The following PALM3 variants were observed in gnomAD, a reference collection of about 807,000 sequenced individuals.
PALM3 encodes paralemmin-3.
In PALM3, 20 loss-of-function variants were observed where a neutral mutation model predicts 27.9. The observed-to-expected ratio is 0.72, with a 90% CI of 0.50 to 1.04. The LOEUF (loss-of-function observed/expected upper bound fraction) is 1.04. Among genes scored for constraint, PALM3 ranks in the 50% least tolerant of loss-of-function variants. PALM3 has a pLI of 0.00. For missense variants in PALM3, 814 were observed against 869.4 expected (o/e 0.94, Z 0.80); for synonymous variants, 328 against 352.7 (o/e 0.93, Z 0.79).
intron 1 of PALM3, among the ~76,000 whole-genome samples, chr19:14,060,964 C>T (rs576509956): frequency 1.5e-4 from 23 of 152,260 alleles, no homozygotes; most frequent in Admixed American, 5.2e-4. Context: ...TTTCACCATA[C>T]TGGCCAGGCT....
chr19:14,053,930 G>T lies in PALM3; in HGVS notation c.1742C>A (p.Thr581Lys). Residue 581 changes from threonine (T) to lysine (K), a missense_variant, in exon 7 of 7, where the codon ACG (threonine) becomes AAG (lysine). Transcript: ENST00000669674. ...TCCTTCCTTCTCTGGCCTTGTCTCC[G>T]TGTTAGCCTCAAGGGGAGGCCCTGC... ...NEAGPPLEAN[T>K]ETRPEKEGPQ... The T allele has an allele frequency of 1.3e-6, 2 of 1,551,604 alleles. No homozygotes were observed. The highest frequency in any genetic ancestry group is 2.7e-5 in the African/African-American group (2 of 73,106).
In PALM3 at chr19:14,055,118, G is replaced by C. The variant is rs1429965671; in HGVS notation, c.554C>G (p.Pro185Arg). The C allele has an allele frequency of 1.9e-6, 3 of 1,551,408 alleles. No individual in the cohort carries two copies. The highest frequency in any genetic ancestry group is 2.6e-6 in the Non-Finnish European group (3 of 1,146,984). ...REDVLGFLPG[P>R]RQVPGAAGDS... ...TCCTGCTGCCCCGGGGACCTGCCTC[G>C]GGCCTGGCAGAAACCCCAAGACATC... is the stretch of plus-strand genomic sequence containing the variant. Residue 185 changes from proline (P) to arginine (R), a missense_variant, in exon 7 of 7, where the codon CCG becomes CGG. Pro to Arg is a moderately radical substitution (Grantham distance 103). Transcript: ENST00000669674.
In PALM3 at chr19:14,053,746, C is replaced by T. The variant is rs1217597431; in HGVS notation, c.1926G>A (p.Gly642=). The change falls in exon 7 of 7, where the codon GGG becomes GGA. Residue 642 remains glycine (G), a synonymous_variant. Transcript: ENST00000669674. ...QPAECQPLLQ[G]EGPSANPSAH... ...CACTGGGGTTGGCGCTGGGCCCCTC[C>T]CCCTGAAGCAGTGGCTGGCATTCGG... 1 of 1,532,928 alleles carries T rather than the reference C, an allele frequency of 6.5e-7. No individual in the cohort carries two copies. Among genetic ancestry groups the T allele is most frequent in the Non-Finnish European group, 8.8e-7 (1 of 1,138,616 alleles). 95.0% of individuals were successfully genotyped at this position (1,532,928 alleles called of 1,614,324 possible). A position where few individuals can be genotyped will look rare whatever the true frequency, so the allele number is the denominator to read the frequency against.
At chr19:14,055,317 C>A in intron 6 of PALM3, 63 bp downstream of exon 6, 1 of 1,439,576 alleles carries the variant, frequency 6.9e-7, no homozygotes, top group South Asian at 1.3e-5. Flanking sequence ...CCCCTTGAGT[C>A]ACCCTCTCAC....
Position 14,054,524 on chromosome 19 carries a change from C to T in PALM3, c.1148G>A (p.Gly383Glu), listed in dbSNP as rs1976259645. 2 of 1,551,468 alleles carry T rather than the reference C, an allele frequency of 1.3e-6. No homozygotes were observed. The highest frequency in any genetic ancestry group is 2.4e-5 in the South Asian group (2 of 84,012). ...CGGGCTTTCATCTCCTCTCTCCCTC[C>T]CTGCCACCTCGGGCCCTTCCAACCC... ...VEGLEGPEVA[G>E]RERGDESPLG... The change falls in exon 7 of 7, where the codon GGG becomes GAG. Residue 383 changes from glycine (G) to glutamate (E), a missense_variant. Coordinates refer to ENST00000669674, the MANE Select transcript of PALM3 (RefSeq NM_001145028.2).
chr19:14,059,298 T>A, intron 1 of PALM3, 135 bp from the exon 2 acceptor site: 1 of 834,874 alleles, frequency 1.2e-6, no homozygotes, highest in South Asian at 2.4e-5. Flanking sequence ...CTGGGAAGAG[T>A]CTGGGCGGGG....
At chr19:14,055,486 A>C (rs773267601) in intron 5 of PALM3, 61 bp from the exon 6 acceptor site, 16 of 1,526,434 alleles carry the variant, frequency 1.0e-5, no homozygotes, top group Non-Finnish European at 1.4e-5. Flanking sequence ...GCCTCCCTGC[A>C]TGCTAGGCTC....
At position 14,062,023 on chromosome 19, in the gene PALM3, C is replaced by G; in HGVS notation, c.-43G>C. On this transcript the variant is annotated 5_prime_UTR_variant, in exon 1 of 7. Coordinates refer to ENST00000669674, the MANE Select transcript of PALM3 (RefSeq NM_001145028.2). ...CTTTCTGGTCTCCGAGTTCTGGACCCACCACCCGCTTGCCTGAAGGTGCCC... is the reference window on the plus strand; with the variant it reads ...CTTTCTGGTCTCCGAGTTCTGGACCGACCACCCGCTTGCCTGAAGGTGCCC... 1 of 983,866 alleles carries G rather than the reference C, an allele frequency of 1.0e-6. No homozygotes were observed. The highest frequency in any genetic ancestry group is 1.2e-6 in the Non-Finnish European group (1 of 828,510). 60.9% of individuals were successfully genotyped at this position (983,866 alleles called of 1,614,324 possible).
intron 5 of PALM3, among the ~76,000 whole-genome samples, chr19:14,055,853 C>T (rs575376151): frequency 9.9e-5 from 15 of 151,788 alleles, no homozygotes; most frequent in South Asian, 2.1e-4. Flanking sequence ...TGGTTTCAAA[C>T]GATTTCCCTG....
At chr19:14,055,806 A>C (rs1976294416) in intron 5 of PALM3, among the ~76,000 whole-genome samples, 1 of 152,056 alleles carries the variant, frequency 6.6e-6, no homozygotes, top group East Asian at 1.9e-4. Flanking sequence ...GCTGGAGTGC[A>C]GTGGCGTAAT....
In PALM3 at chr19:14,055,061, C is replaced by A. The variant is rs185854216; in HGVS notation, c.611G>T (p.Ser204Ile). 15,512 of 1,551,486 alleles carry A rather than the reference C, an allele frequency of 1.0e-2. 95 individuals are homozygous for A. The highest frequency in any genetic ancestry group is 0.012 in the Non-Finnish European group (13,314 of 1,146,906). ...DSSEANGPCP[S>I]PIPTPEQGLS... is the part of the protein sequence containing the mutation. ...CCCCTGCTCTGGAGTGGGGATGGGG[C>A]TGGGGCATGGGCCATTGGCTTCTGA... Residue 204 changes from serine (S) to isoleucine (I), a missense_variant, in exon 7 of 7, where the codon AGC (serine) becomes ATC (isoleucine). By Grantham distance (142) the Ser-to-Ile change is moderately radical. Coordinates refer to ENST00000669674, the MANE Select transcript of PALM3 (RefSeq NM_001145028.2).
At chr19:14,056,600 C>T in intron 4 of PALM3, 62 bp downstream of exon 4, 2 of 1,551,456 alleles carry the variant, frequency 1.3e-6, no homozygotes, top group Non-Finnish European at 1.7e-6. Context: ...GGAATGTGCC[C>T]AGGGTCTCGA....
chr19:14,057,292 G>A, intron 3 of PALM3, 59 bp downstream of exon 3: 2 of 1,341,288 alleles, frequency 1.5e-6, no homozygotes, highest in Non-Finnish European at 1.0e-6. Flanking sequence ...AAACCGACTT[G>A]CACAGACACC....
At chr19:14,056,583 C>T (rs892709761) in intron 4 of PALM3, 70 bp from the exon 5 acceptor site, 1 of 1,550,720 alleles carries the variant, frequency 6.4e-7, no homozygotes, top group Admixed American at 2.0e-5. Context: ...CAAGCGACCA[C>T]CTCCTTGGAA....
chr19:14,056,764 G>A lies in PALM3; in HGVS notation c.212C>T (p.Ala71Val), dbSNP rs1193031497. 1 of 1,551,422 alleles carries A rather than the reference G, an allele frequency of 6.4e-7. No individual in the cohort carries two copies. Among genetic ancestry groups the A allele is most frequent in the Admixed American group, 2.0e-5 (1 of 50,940 alleles). ...GTCTTCGGATGGCTCTGGCACTGCA[G>A]CTGCCCCATCCATTAGCCAACGTTC... is the stretch of plus-strand genomic sequence containing the variant. ...LRERWLMDGA[A>V]AVPEPSEDPT... The change falls in exon 4 of 7, where the codon GCT becomes GTT. Residue 71 changes from alanine (A) to valine (V), a missense_variant. Physicochemically the swap from Ala to Val is moderately conservative, Grantham distance 64 (BLOSUM62 0). Transcript: ENST00000669674.
chr19:14,053,725 G>A lies in PALM3; in HGVS notation c.1947C>T (p.Pro649=), dbSNP rs1363556106. The A allele has an allele frequency of 7.9e-6, 12 of 1,525,612 alleles. No individual in the cohort carries two copies. Among genetic ancestry groups the A allele is most frequent in the Middle Eastern group, 1.7e-4 (1 of 5,846 alleles). 94.5% of individuals were successfully genotyped at this position (1,525,612 alleles called of 1,614,324 possible). ...LLQGEGPSAN[P]SAHPVPTYAP... ...CGTAGGTGGGCACAGGGTGGGCACTGGGGTTGGCGCTGGGCCCCTCCCCCT... is the reference window on the plus strand; with the variant it reads ...CGTAGGTGGGCACAGGGTGGGCACTAGGGTTGGCGCTGGGCCCCTCCCCCT... Residue 649 remains proline, a synonymous_variant, in exon 7 of 7, where the codon CCC becomes CCT. Coordinates refer to ENST00000669674, the MANE Select transcript of PALM3 (RefSeq NM_001145028.2).
At chr19:14,055,484 G>T in intron 5 of PALM3, 59 bp from the exon 6 acceptor site, 6 of 1,525,584 alleles carry the variant, frequency 3.9e-6, no homozygotes, top group Non-Finnish European at 5.3e-6. Context: ...CAGCCTCCCT[G>T]CATGCTAGGC....
intron 1 of PALM3, among the ~76,000 whole-genome samples, chr19:14,060,908 G>C (rs1454634780): frequency 2.0e-5 from 3 of 152,104 alleles, no homozygotes; most frequent in Non-Finnish European, 4.4e-5. Context: ...TTACAGGCGT[G>C]CACCACCAAG....
Position 14,057,443 on chromosome 19 carries a change from G to A in PALM3, c.91-12C>T, listed in dbSNP as rs1272652026. 3 of 1,527,864 alleles carry A rather than the reference G, an allele frequency of 2.0e-6. No individual in the cohort carries two copies. The highest frequency in any genetic ancestry group is 5.1e-5 in the East Asian group (2 of 39,132). The allele number at this position is 1,527,864 out of a possible 1,614,324, so 94.6% of individuals were successfully genotyped here. ...AGCCGCCGCTTCTCCTGCGCACAGA[G>A]GACCCGGAGCTGCCCGCCGGCCGGG... On this transcript the variant is annotated splice_polypyrimidine_tract_variant and intron_variant, in intron 2 of 6. Coordinates refer to ENST00000669674, the MANE Select transcript of PALM3 (RefSeq NM_001145028.2).
Sources: allele counts gnomAD v4.1 joint callset (sites outside exome capture counted in the v4.1 genomes callset), GRCh38; gene constraint gnomAD v4.1.1; transcripts MANE v1.5; gene names NCBI Gene and HGNC (gene_info 2026-07-23, HGNC 2026-07-21).